ERMP1: variants seen among roughly 807,000 people sequenced by gnomAD.
ERMP1 encodes the protein Felix-ina.
Under a neutral mutation model 92.0 loss-of-function variants are expected in ERMP1, and 86 were observed. The observed-to-expected ratio is 0.93, with a 90% confidence interval of 0.79 to 1.12. The LOEUF is 1.12. ERMP1 is among the 50% of genes most tolerant of loss of function. The probability of loss-of-function intolerance (pLI) is 0.00; values close to 1 mark genes in which losing one functional copy is unlikely to be tolerated. For synonymous variants in ERMP1, 530 were observed against 412.8 expected (o/e 1.28, Z -3.44); for missense variants, 1,342 against 1,116.3 (o/e 1.20, Z -2.88).
At chr9:5,793,709 A>G (rs1449279664) in intron 13 of ERMP1, among the ~76,000 whole-genome samples, 1 of 152,160 alleles carries the variant, frequency 6.6e-6, no homozygotes, top group African/African-American at 2.4e-5. Context: ...AAGAGGGGCA[A>G]TGCATAATGA....
intron 2 of ERMP1, 23 bp from the exon 3 acceptor site, chr9:5,825,242 T>C (rs930316292): frequency 7.5e-6 from 12 of 1,602,364 alleles, no homozygotes; most frequent in Non-Finnish European, 9.4e-6. Context: ...AAAACAAATT[T>C]GCTGCTCAGA....
At chr9:5,848,013 G>C (rs988919827) in intron 6 of ERMP1, among the ~76,000 whole-genome samples, 1 of 152,058 alleles carries the variant, frequency 6.6e-6, no homozygotes, top group African/African-American at 2.4e-5. Flanking sequence ...CTGAGGCTTA[G>C]AGAAAGGATA....
intron 6 of ERMP1, among the ~76,000 whole-genome samples, chr9:5,844,020 T>C (rs1231211431): frequency 1.3e-5 from 2 of 152,164 alleles, no homozygotes; most frequent in Non-Finnish European, 2.9e-5. Flanking sequence ...TGAGGGGTAA[T>C]GTTCTGTGAA....
In ERMP1 at chr9:5,801,342, C is replaced by T; in HGVS notation, c.1915-14G>A. The T allele has an allele frequency of 4.4e-6, 7 of 1,601,022 alleles. No individual in the cohort carries two copies. Among genetic ancestry groups the T allele is most frequent in the Non-Finnish European group, 6.0e-6 (7 of 1,175,146 alleles). On this transcript the variant is annotated splice_polypyrimidine_tract_variant and intron_variant, in intron 10 of 14. Coordinates refer to ENST00000339450, the MANE Select transcript of ERMP1 (RefSeq NM_024896.3). ...GATGAAGTTAATCTGAAACACAAAC[C>T]ACAAACACAGAAATATTACAAATTC...
At chr9:5,814,055 G>C (rs1829211445) in intron 4 of ERMP1, among the ~76,000 whole-genome samples, 1 of 152,068 alleles carries the variant, frequency 6.6e-6, no homozygotes, top group South Asian at 2.1e-4. Flanking sequence ...TACATGACTT[G>C]CTCTAGCCAA....
chr9:5,805,521 A>G (rs1368052273), intron 9 of ERMP1, 90 bp downstream of exon 9: 6 of 1,155,334 alleles, frequency 5.2e-6, no homozygotes, highest in Middle Eastern at 2.1e-4. Context: ...TAGAAAGCCT[A>G]CCCAATAAAA....
intron 11 of ERMP1, among the ~76,000 whole-genome samples, chr9:5,799,357 T>C (rs1384230980): frequency 1.3e-5 from 2 of 152,196 alleles, no homozygotes; most frequent in Admixed American, 6.5e-5. Flanking sequence ...CTCATTTCCC[T>C]ATTAGTGTTT....
chr9:5,795,322 G>T lies in ERMP1; in HGVS notation c.2386+2495C>A, dbSNP rs945560102. On this transcript the variant is annotated intron_variant, in intron 13 of 14. Coordinates refer to ENST00000339450, the MANE Select transcript of ERMP1 (RefSeq NM_024896.3). ...TGGTAAGAAACCAGAAGCTTGCCTA[G>T]ATCAGGAACAAGGCAAAGATGTCCC... 4.6e-5 allele frequency among the ~76,000 whole-genome samples: 7 copies of T among 152,182 alleles called. No individual in the cohort carries two copies. The East Asian group carries it at 1.3e-3, about 29-fold the overall frequency.
At chr9:5,824,356 C>T (rs945052522) in intron 3 of ERMP1, among the ~76,000 whole-genome samples, 2 of 152,042 alleles carry the variant, frequency 1.3e-5, no homozygotes, top group Non-Finnish European at 2.9e-5. Flanking sequence ...GGAAGATCAC[C>T]CGAGCTCAGG....
intron 6 of ERMP1, among the ~76,000 whole-genome samples, chr9:5,848,037 G>T (rs1830260943): frequency 1.3e-5 from 2 of 152,242 alleles, no homozygotes; most frequent in South Asian, 4.1e-4. Context: ...TTTACTGAAG[G>T]TCATACAGAC....
chr9:5,818,145 G>C (rs1829391928), intron 4 of ERMP1, among the ~76,000 whole-genome samples: 1 of 149,348 alleles, frequency 6.7e-6, no homozygotes, highest in South Asian at 2.1e-4. Flanking sequence ...AGATGACAAA[G>C]CAAGATCCTA....
intron 5 of ERMP1, among the ~76,000 whole-genome samples, chr9:5,862,348 T>G (rs1830524380): frequency 6.6e-6 from 1 of 151,310 alleles, no homozygotes; most frequent in Non-Finnish European, 1.5e-5. Flanking sequence ...TTTATTTATT[T>G]TAGAGACAGA....
intron 6 of ERMP1, 61 bp downstream of exon 6, chr9:5,812,064 T>C: frequency 9.6e-7 from 1 of 1,040,762 alleles, no homozygotes; most frequent in African/African-American, 1.6e-5. Flanking sequence ...TTTACAAGTT[T>C]ATGTATCATC....
intron 13 of ERMP1, among the ~76,000 whole-genome samples, chr9:5,792,787 T>A (rs373199796): frequency 6.6e-6 from 1 of 152,276 alleles, no homozygotes; most frequent in African/African-American, 2.4e-5. Context: ...AAGACAGACA[T>A]ACTGCAAGCT....
At chr9:5,842,055 A>G (rs1563779094) in intron 6 of ERMP1, among the ~76,000 whole-genome samples, 1 of 151,962 alleles carries the variant, frequency 6.6e-6, no homozygotes. Context: ...GTTACAGCAT[A>G]TAAAGGTAGT....
At position 5,785,477 on chromosome 9, in the gene ERMP1, A is replaced by T. The variant is rs550817367; in HGVS notation, c.*1667T>A. 1 of 152,272 alleles carries T rather than the reference A, an allele frequency of 6.6e-6. No homozygotes were observed. Among genetic ancestry groups the T allele is most frequent in the Non-Finnish European group, 1.5e-5 (1 of 68,046 alleles). The allele number at this position is 152,272 out of a possible 1,614,324, so 9.4% of individuals were successfully genotyped here. ...CTTGAGACTGATTTCTACAAAGTCC[A>T]GGAAGAGCAATGATTCCAGTGTGCA... On this transcript the variant is annotated 3_prime_UTR_variant, in exon 15 of 15. Coordinates refer to ENST00000339450, the MANE Select transcript of ERMP1 (RefSeq NM_024896.3).
rs1468690729 is a variant in ERMP1, at chr9:5,833,062, A to G, written c.-35T>C. 1.4e-6 allele frequency: 2 copies of G among 1,419,216 alleles called. No homozygotes were observed. The highest frequency in any genetic ancestry group is 1.6e-5 in the South Asian group (1 of 64,448). 87.9% of individuals were successfully genotyped at this position (1,419,216 alleles called of 1,614,324 possible). Reference sequence around the variant, plus strand: ...CCTCAGCTGCCAGCCCAACCGCCCCAACCCGCGACAGCCCCGGCCGCCGCC... The same window carrying G: ...CCTCAGCTGCCAGCCCAACCGCCCCGACCCGCGACAGCCCCGGCCGCCGCC... On this transcript the variant is annotated 5_prime_UTR_variant, in exon 1 of 15. Transcript: ENST00000339450.
chr9:5,860,076 G>C (rs1830441535), intron 5 of ERMP1, among the ~76,000 whole-genome samples: 1 of 151,260 alleles, frequency 6.6e-6, no homozygotes, highest in Non-Finnish European at 1.5e-5. Flanking sequence ...AAGACTGGAG[G>C]ATTGCTTGAG....
intron 4 of ERMP1, among the ~76,000 whole-genome samples, chr9:5,813,633 G>A (rs1829192460): frequency 6.6e-6 from 1 of 152,002 alleles, no homozygotes; most frequent in Non-Finnish European, 1.5e-5. Context: ...GTTGTGAATT[G>A]TGGAGCATTA....
Sources: gnomAD v4.1 joint callset for allele counts (sites outside exome capture counted in the v4.1 genomes callset) on GRCh38, gnomAD v4.1.1 for gene constraint, MANE v1.5 for transcripts, NCBI Gene and HGNC (gene_info 2026-07-23, HGNC 2026-07-21) for gene names.